Variants in STEAP2 observed in about 807,000 individuals in gnomAD.
The protein encoded by STEAP2 is STEAP2 metalloreductase.
In STEAP2, 30 loss-of-function variants were observed where a neutral mutation model predicts 46.4. That is an observed-to-expected ratio of 0.65 (90% CI 0.48 to 0.88). The LOEUF (loss-of-function observed/expected upper bound fraction) is 0.88. Among genes scored for constraint, STEAP2 ranks in the 40% least tolerant of loss-of-function variants. STEAP2 has a pLI of 0.00. For synonymous variants in STEAP2, 180 were observed against 200.5 expected (o/e 0.90, Z 0.86); for missense variants, 513 against 579.3 (o/e 0.89, Z 1.18).
chr7:90,236,489 A>G lies in STEAP2; in HGVS notation c.*3865A>G. 1 of 1,001,934 alleles carries G rather than the reference A, an allele frequency of 1.0e-6. No homozygotes were observed. Among genetic ancestry groups the G allele is most frequent in the Non-Finnish European group, 1.2e-6 (1 of 840,606 alleles). 62.1% of individuals were successfully genotyped at this position (1,001,934 alleles called of 1,614,324 possible). On this transcript the variant is annotated 3_prime_UTR_variant, in exon 6 of 6. Transcript: ENST00000394621. The stretch of plus-strand genomic sequence containing the variant: ...TACCTTCAATTGTTCATCAGTGGGT[A>G]AAACAAATTCTGATGTACATTCAGG...
At chr7:90,237,983 A>C, downstream of STEAP2, 2 of 700,550 alleles carry the variant, frequency 2.9e-6, no homozygotes, top group South Asian at 3.1e-5. Flanking sequence ...TACTAAAGAG[A>C]TATTATAATA....
chr7:90,221,467 T>C (rs1795255431), intron 2 of STEAP2, among the ~76,000 whole-genome samples: 1 of 152,202 alleles, frequency 6.6e-6, no homozygotes, highest in Admixed American at 6.5e-5. Context: ...GCATGGACTA[T>C]CTTTCTCCAT....
chr7:90,212,822 A>AC (rs59183616), intron 1 of STEAP2, among the ~76,000 whole-genome samples: 2 of 53,166 alleles, frequency 3.8e-5, no homozygotes, highest in African/African-American at 6.9e-5. Context: ...CTCCTGCCCC[A>AC]CCCCCACCCC....
At position 90,237,198 on chromosome 7, in the gene STEAP2, T is replaced by C; in HGVS notation, c.*4574T>C. ...TAGAGACCAGAAAGACCTTGACTAC[T>C]TCCCTACTTCCACTGCTTTTTCCTG... On this transcript the variant is annotated 3_prime_UTR_variant, in exon 6 of 6. Coordinates refer to ENST00000394621, the MANE Select transcript of STEAP2 (RefSeq NM_001244944.2). 2 of 420,906 alleles carry C rather than the reference T, an allele frequency of 4.8e-6. No homozygotes were observed. Among genetic ancestry groups the C allele is most frequent in the East Asian group, 3.8e-5 (1 of 26,474 alleles). The allele number at this position is 420,906 out of a possible 1,614,324, so 26.1% of individuals were successfully genotyped here.
chr7:90,225,710 A>T (rs1043913854), intron 3 of STEAP2, 136 bp downstream of exon 3: 4 of 1,013,388 alleles, frequency 3.9e-6, no homozygotes, highest in Non-Finnish European at 4.2e-6. Flanking sequence ...GAGCACCTGA[A>T]GATTAATGTC....
Position 90,232,842 on chromosome 7 carries a change from T to G in STEAP2, c.*218T>G, listed in dbSNP as rs1454860837. On this transcript the variant is annotated 3_prime_UTR_variant, in exon 6 of 6. Coordinates refer to ENST00000394621, the MANE Select transcript of STEAP2 (RefSeq NM_001244944.2). ...TTCTAGTCAACATATTATTGTAATT[T>G]AGGTATGTTTTGTTTTGTTTTGCAC... The G allele has an allele frequency of 2.5e-6, 3 of 1,217,656 alleles. No homozygotes were observed. In the African/African-American group the frequency reaches 4.6e-5, roughly 19 times the overall value. 75.4% of individuals were successfully genotyped at this position (1,217,656 alleles called of 1,614,324 possible).
chr7:90,221,391 CTT>C (rs915210283), intron 2 of STEAP2, among the ~76,000 whole-genome samples: 1 of 152,012 alleles, frequency 6.6e-6, no homozygotes, highest in African/African-American at 2.4e-5. Flanking sequence ...TTCATTGTCT[CTT>C]TATACTGTTT....
In STEAP2 at chr7:90,237,222, T is replaced by C; in HGVS notation, c.*4598T>C. ...CTTCCCTACTTCCACTGCTTTTTCC[T>C]GCATTTAAGCCATTGTAAATCTGGG... On this transcript the variant is annotated 3_prime_UTR_variant, in exon 6 of 6. Coordinates refer to ENST00000394621, the MANE Select transcript of STEAP2 (RefSeq NM_001244944.2). 1 of 392,134 alleles carries C rather than the reference T, an allele frequency of 2.6e-6. No individual in the cohort carries two copies. The allele number at this position is 392,134 out of a possible 1,614,324, so 24.3% of individuals were successfully genotyped here.
intron 5 of STEAP2, among the ~76,000 whole-genome samples, chr7:90,231,847 G>C (rs997843868): frequency 6.6e-6 from 1 of 151,982 alleles, no homozygotes; most frequent in African/African-American, 2.4e-5. Context: ...GGAAAAGCTA[G>C]ATGTTTTGAC....
intron 1 of STEAP2, 58 bp downstream of exon 1, chr7:90,212,103 G>C (rs889635648): frequency 6.6e-6 from 1 of 152,474 alleles, no homozygotes; most frequent in Non-Finnish European, 1.5e-5. Flanking sequence ...TGAGGGTCAA[G>C]ATGCAGTCTG....
Position 90,235,019 on chromosome 7 carries a change from T to C in STEAP2, c.*2395T>C. The C allele has an allele frequency of 1.0e-6, 1 of 958,078 alleles. No homozygotes were observed. The highest frequency in any genetic ancestry group is 1.2e-6 in the Non-Finnish European group (1 of 804,870). The allele number at this position is 958,078 out of a possible 1,614,324, so 59.3% of individuals were successfully genotyped here. A position where few individuals can be genotyped will look rare whatever the true frequency, so the allele number is the denominator to read the frequency against. ...TGAACTAATGAAAATAACAGCGTAT[T>C]TTCAATATTTTCTTATTCCTTAAAT... On this transcript the variant is annotated 3_prime_UTR_variant, in exon 6 of 6. Coordinates refer to ENST00000394621, the MANE Select transcript of STEAP2 (RefSeq NM_001244944.2).
downstream of STEAP2, among the ~76,000 whole-genome samples, chr7:90,239,619 C>T (rs1351982321): frequency 1.3e-5 from 2 of 152,012 alleles, no homozygotes; most frequent in Non-Finnish European, 2.9e-5. Flanking sequence ...TCTAAAATCT[C>T]GGGAACATTT....
Position 90,225,019 on chromosome 7 carries a change from A to G in STEAP2, c.-33-31A>G, listed in dbSNP as rs764244482. The G allele has an allele frequency of 9.0e-6, 14 of 1,546,970 alleles. No homozygotes were observed. The East Asian group carries it at 2.9e-4, about 32-fold the overall frequency. ...GTGTTTTAATGTTCAGTAATAGGTA[A>G]CTGATGACCATTTTATTTTCTCTCC... On this transcript the variant is annotated intron_variant, in intron 2 of 5. Transcript: ENST00000394621.
intron 4 of STEAP2, among the ~76,000 whole-genome samples, chr7:90,229,599 T>C (rs1198202219): frequency 6.6e-6 from 1 of 152,162 alleles, no homozygotes. Context: ...CCAGAGTCCC[T>C]GTAATGATGA....
At position 90,223,149 on chromosome 7, in the gene STEAP2, G is replaced by A. The variant is rs568764426; in HGVS notation, c.-33-1901G>A. ...AACAAATGAAAGGGTGTCATGTTGC[G>A]GTCCAAAGGGCGTGGGTGGATGAGC... On this transcript the variant is annotated intron_variant, in intron 2 of 5. Transcript: ENST00000394621. Among the ~76,000 whole-genome samples the A allele has an allele frequency of 6.6e-5, 10 of 152,260 alleles. No individual in the cohort carries two copies. The South Asian group carries it at 1.2e-3, about 19-fold the overall frequency.
intron 1 of STEAP2, among the ~76,000 whole-genome samples, chr7:90,213,128 T>C (rs1478661330): frequency 6.6e-6 from 1 of 152,186 alleles, no homozygotes; most frequent in Non-Finnish European, 1.5e-5. Flanking sequence ...CTATGTGTGC[T>C]GCCATTGGGA....
At chr7:90,218,816 A>G (rs571406334) in intron 2 of STEAP2, among the ~76,000 whole-genome samples, 1 of 152,232 alleles carries the variant, frequency 6.6e-6, no homozygotes, top group South Asian at 2.1e-4. Context: ...GAAAAATCAC[A>G]TTGGTATTTT....
rs530161451 is a variant in STEAP2, at chr7:90,229,463, T to C, written c.1021-409T>C. On this transcript the variant is annotated intron_variant, in intron 4 of 5. Coordinates refer to ENST00000394621, the MANE Select transcript of STEAP2 (RefSeq NM_001244944.2). ...GATCCAAGTTGAACTAAGGCCAGAC[T>C]ATATCCCAGATATTCAACCAAGTTT... Among the ~76,000 whole-genome samples the C allele has an allele frequency of 1.6e-4, 24 of 152,294 alleles. 1 individual carries two copies. Among genetic ancestry groups the C allele is most frequent in the African/African-American group, 5.8e-4 (24 of 41,576 alleles).
rs1488407728 is a variant in STEAP2 at position 90,229,959 on chromosome 7, T to C, written c.1108T>C (p.Leu370=). 1 of 1,613,676 alleles carries C rather than the reference T, an allele frequency of 6.2e-7. No individual in the cohort carries two copies. The highest frequency in any genetic ancestry group is 2.2e-5 in the East Asian group (1 of 44,864). ...CTCCTTTGGCATAATGAGCCTTGGCTTACTTTCCCTCCTGGCAGTCACTTC... is the reference window on the plus strand; with the variant it reads ...CTCCTTTGGCATAATGAGCCTTGGCCTACTTTCCCTCCTGGCAGTCACTTC... ...YISFGIMSLG[L]LSLLAVTSIP... The change falls in exon 5 of 6, where the codon TTA becomes CTA. Residue 370 remains leucine, a synonymous_variant. Coordinates refer to ENST00000394621, the MANE Select transcript of STEAP2 (RefSeq NM_001244944.2).
Sources: gnomAD v4.1 joint callset for allele counts (sites outside exome capture counted in the v4.1 genomes callset) on GRCh38, gnomAD v4.1.1 for gene constraint, MANE v1.5 for transcripts, NCBI Gene and HGNC (gene_info 2026-07-23, HGNC 2026-07-21) for gene names.